DIAPH3: variants seen among roughly 807,000 people sequenced by gnomAD.
The protein encoded by DIAPH3 is protein diaphanous homolog 3.
In DIAPH3, 117 loss-of-function variants were observed where a neutral mutation model predicts 144.3. That is an observed-to-expected ratio of 0.81 (90% confidence interval 0.70 to 0.95). The LOEUF (loss-of-function observed/expected upper bound fraction) is 0.95, where lower values mean the gene tolerates loss of function less well. DIAPH3 is among the 40% of genes least tolerant of loss of function. The pLI, the probability that DIAPH3 is intolerant of heterozygous loss-of-function variation, is 0.00. For missense variants in DIAPH3, 1,421 were observed against 1,412.7 expected, an observed-to-expected ratio of 1.01 and a Z score of -0.09; for synonymous variants, 519 against 488.9, an observed-to-expected ratio of 1.06 and a Z score of -0.81.
At chr13:60,050,920 C>A (rs773769784) in intron 4 of DIAPH3, among the ~76,000 whole-genome samples, 18 of 151,980 alleles carry the variant, frequency 1.2e-4, no homozygotes, top group Non-Finnish European at 2.2e-4. Flanking sequence ...TAGATGTCCT[C>A]AATATGAAAA....
intron 20 of DIAPH3, among the ~76,000 whole-genome samples, chr13:59,883,536 A>G (rs1264261665): frequency 1.3e-5 from 2 of 152,148 alleles, no homozygotes; most frequent in African/African-American, 4.8e-5. Flanking sequence ...CTGGGAAGTT[A>G]CTGGCCTCGG....
intron 3 of DIAPH3, among the ~76,000 whole-genome samples, chr13:60,105,099 C>CAAAAAAAAAAAACAAAAAAAAAAAAAAA (rs530311392): frequency 4.8e-5 from 2 of 41,820 alleles, no homozygotes; most frequent in African/African-American, 1.0e-4. Context: ...GACACGATCT[C>CAAAAAAAAAAAACAAAAAAAAAAAAAAA]AAAAAAAAAA....
At chr13:59,899,771 T>C (rs142586110) in intron 20 of DIAPH3, among the ~76,000 whole-genome samples, 1,963 of 152,296 alleles carry the variant, frequency 0.013, 23 homozygotes, top group Middle Eastern at 0.024. Flanking sequence ...CTTTCACAAA[T>C]TTTACATGCA....
At chr13:59,710,732 C>T (rs2034689208) in intron 27 of DIAPH3, among the ~76,000 whole-genome samples, 1 of 152,166 alleles carries the variant, frequency 6.6e-6, no homozygotes, top group Non-Finnish European at 1.5e-5. Context: ...CAGGCCTTTT[C>T]AACAAATGTT....
chr13:59,859,672 A>ATT (rs200290604), intron 22 of DIAPH3, among the ~76,000 whole-genome samples: 23 of 151,434 alleles, frequency 1.5e-4, no homozygotes, highest in African/African-American at 5.6e-4. Flanking sequence ...CTCATTTCCA[A>ATT]TTTTTTTTTA....
intron 25 of DIAPH3, among the ~76,000 whole-genome samples, chr13:59,784,990 A>G (rs2038956859): frequency 6.6e-6 from 1 of 152,208 alleles, no homozygotes; most frequent in African/African-American, 2.4e-5. Context: ...AGCTAGAACA[A>G]AGCTCAAAAT....
At chr13:59,698,848 C>T (rs1290244322) in intron 27 of DIAPH3, among the ~76,000 whole-genome samples, 2 of 152,102 alleles carry the variant, frequency 1.3e-5, no homozygotes, top group East Asian at 3.8e-4. Context: ...TACATGTGTT[C>T]ACTGAAGCAA....
intron 27 of DIAPH3, among the ~76,000 whole-genome samples, chr13:59,694,727 TA>T (rs939496161): frequency 9.9e-5 from 15 of 151,296 alleles, no homozygotes; most frequent in East Asian, 5.8e-4. Context: ...ACAAACAAAG[TA>T]AAAAAAAAGT....
intron 14 of DIAPH3, among the ~76,000 whole-genome samples, chr13:59,979,372 G>C (rs896782860): frequency 6.6e-6 from 1 of 151,502 alleles, no homozygotes; most frequent in Non-Finnish European, 1.5e-5. Flanking sequence ...GAGTTAAAGT[G>C]CTTATCCAGC....
chr13:59,756,480 G>A (rs186840976), intron 27 of DIAPH3, among the ~76,000 whole-genome samples: 14 of 142,118 alleles, frequency 9.9e-5, no homozygotes, highest in Non-Finnish European at 2.0e-4. Context: ...AAGGAAGGAA[G>A]GAAGGAGGGA....
chr13:59,687,948 A>T (rs2033301672), intron 27 of DIAPH3, among the ~76,000 whole-genome samples: 1 of 152,082 alleles, frequency 6.6e-6, no homozygotes, highest in Non-Finnish European at 1.5e-5. Flanking sequence ...AAATCTTTGA[A>T]TGACACAAGA....
At chr13:59,812,190 C>CTTA (rs1232856378) in intron 24 of DIAPH3, among the ~76,000 whole-genome samples, 12 of 151,606 alleles carry the variant, frequency 7.9e-5, no homozygotes, top group African/African-American at 2.2e-4. Flanking sequence ...TATTTTTGAC[C>CTTA]AACAACAAAA....
At chr13:59,873,219 C>A (rs1387014093) in intron 21 of DIAPH3, among the ~76,000 whole-genome samples, 11 of 152,254 alleles carry the variant, frequency 7.2e-5, no homozygotes, top group African/African-American at 2.4e-4. Flanking sequence ...GCTTTACTTT[C>A]AAAGGTTGCC....
intron 19 of DIAPH3, among the ~76,000 whole-genome samples, chr13:59,914,452 C>T (rs1342573135): frequency 3.9e-5 from 6 of 151,936 alleles, no homozygotes; most frequent in Non-Finnish European, 8.8e-5. Context: ...GACATCCATT[C>T]CTAAAGATGT....
intron 27 of DIAPH3, among the ~76,000 whole-genome samples, chr13:59,757,130 T>A (rs1711818783): frequency 6.6e-6 from 1 of 152,078 alleles, no homozygotes; most frequent in African/African-American, 2.4e-5. Context: ...CACCATTTTG[T>A]CGATAGTAAA....
Position 59,706,729 on chromosome 13 carries a change from G to C in DIAPH3, c.3320-39883C>G, listed in dbSNP as rs374831193. ...AACAAAATAAGTTTTGACTGTGAAT[G>C]GTCTGCTGTTAATAAGAGGAAATAA... On this transcript the variant is annotated intron_variant, in intron 27 of 27. Transcript: ENST00000400324. Among the ~76,000 whole-genome samples the C allele has an allele frequency of 7.9e-5, 12 of 152,196 alleles. No homozygotes were observed. The East Asian group carries it at 1.9e-3, about 25-fold the overall frequency.
At chr13:60,098,439 A>T (rs2058172127) in intron 3 of DIAPH3, among the ~76,000 whole-genome samples, 1 of 152,108 alleles carries the variant, frequency 6.6e-6, no homozygotes, top group Non-Finnish European at 1.5e-5. Context: ...ATAAGCTATT[A>T]GAAGCCAACA....
At chr13:59,828,748 G>A (rs1283841673) in intron 24 of DIAPH3, among the ~76,000 whole-genome samples, 1 of 151,504 alleles carries the variant, frequency 6.6e-6, no homozygotes, top group Non-Finnish European at 1.5e-5. Context: ...TTGTTCTGTT[G>A]ATCATGGTAA....
intron 22 of DIAPH3, among the ~76,000 whole-genome samples, chr13:59,841,936 T>C (rs746086374): frequency 1.3e-5 from 2 of 152,138 alleles, no homozygotes; most frequent in Non-Finnish European, 2.9e-5. Flanking sequence ...TTGGTGAAGC[T>C]AGAATTTGAA....
Sources: gnomAD v4.1 joint callset for allele counts (sites outside exome capture counted in the v4.1 genomes callset) on GRCh38, gnomAD v4.1.1 for gene constraint, MANE v1.5 for transcripts, NCBI Gene and HGNC (gene_info 2026-07-23, HGNC 2026-07-21) for gene names.